The following SNTB2 variants were observed in gnomAD, a reference collection of about 807,000 sequenced individuals.
The protein encoded by SNTB2 is syntrophin beta 2, also known as beta-2-syntrophin.
In SNTB2, 34 loss-of-function variants were observed where a neutral mutation model predicts 46.2. That is an observed-to-expected ratio of 0.74 (90% CI 0.56 to 0.98). The LOEUF (loss-of-function observed/expected upper bound fraction) is 0.98, where lower values mean the gene tolerates loss of function less well. Among genes scored for constraint, SNTB2 ranks in the 50% least tolerant of loss-of-function variants. The probability of loss-of-function intolerance (pLI) is 0.00; values close to 1 mark genes in which losing one functional copy is unlikely to be tolerated. For missense variants in SNTB2, 603 were observed against 731.4 expected (o/e 0.82, Z 2.02); for synonymous variants, 290 against 312.6 (o/e 0.93, Z 0.76).
intron 3 of SNTB2, among the ~76,000 whole-genome samples, chr16:69,267,315 C>T (rs1301139433): frequency 6.6e-6 from 1 of 152,192 alleles, no homozygotes; most frequent in Admixed American, 6.5e-5. Flanking sequence ...CCATGCCTGG[C>T]CCAAAATCAG....
chr16:69,288,348 AGT>A (rs554876803), intron 5 of SNTB2, among the ~76,000 whole-genome samples: 115 of 152,354 alleles, frequency 7.5e-4, no homozygotes, highest in African/African-American at 2.6e-3. Context: ...GGAAAGGAAG[AGT>A]GAGAGCCAGC....
chr16:69,287,867 T>A (rs4395065), intron 5 of SNTB2, among the ~76,000 whole-genome samples: 2,872 of 151,456 alleles, frequency 0.019, 93 homozygotes, highest in African/African-American at 0.065. Flanking sequence ...TCAAAAAATA[T>A]ATATATATAT....
intron 1 of SNTB2, among the ~76,000 whole-genome samples, chr16:69,239,035 T>C (rs1434419371): frequency 6.6e-6 from 1 of 152,164 alleles, no homozygotes; most frequent in East Asian, 1.9e-4. Flanking sequence ...CCCCCTCACT[T>C]ACCCAGCTCC....
intron 1 of SNTB2, among the ~76,000 whole-genome samples, chr16:69,210,818 C>T (rs1964276243): frequency 6.6e-6 from 1 of 152,014 alleles, no homozygotes; most frequent in African/African-American, 2.4e-5. Context: ...TATGGGGAAA[C>T]CTCATCCCTA....
chr16:69,224,009 C>T (rs1964433538), intron 1 of SNTB2, among the ~76,000 whole-genome samples: 1 of 151,924 alleles, frequency 6.6e-6, no homozygotes, highest in African/African-American at 2.4e-5. Flanking sequence ...GTAGAATGTC[C>T]CTCAATTGGG....
At chr16:69,215,154 G>A (rs571439369) in intron 1 of SNTB2, among the ~76,000 whole-genome samples, 9 of 152,254 alleles carry the variant, frequency 5.9e-5, no homozygotes, top group South Asian at 2.1e-4. Flanking sequence ...CACTGTGCCC[G>A]GCCTATTTTA....
chr16:69,213,464 A>T (rs1194092132), intron 1 of SNTB2, among the ~76,000 whole-genome samples: 1 of 151,790 alleles, frequency 6.6e-6, no homozygotes, highest in East Asian at 1.9e-4. Flanking sequence ...AAAATTTTTC[A>T]TTCTAATAGT....
intron 2 of SNTB2, among the ~76,000 whole-genome samples, chr16:69,253,603 T>A (rs1031167173): frequency 9.9e-5 from 15 of 151,888 alleles, no homozygotes; most frequent in Non-Finnish European, 2.9e-5. Context: ...GAGCCAAGAT[T>A]GTGCCACTGC....
intron 1 of SNTB2, among the ~76,000 whole-genome samples, chr16:69,236,731 C>T (rs17691725): frequency 0.14 from 21,248 of 149,762 alleles, 1,612 homozygotes; most frequent in Middle Eastern, 0.22. Flanking sequence ...TCTGAGTTAA[C>T]CAAGGCATGT....
At chr16:69,261,457 G>A (rs1206325177) in intron 3 of SNTB2, among the ~76,000 whole-genome samples, 1 of 151,544 alleles carries the variant, frequency 6.6e-6, no homozygotes, top group Non-Finnish European at 1.5e-5. Context: ...TTGGTCACCA[G>A]CGAGAGTAAT....
chr16:69,299,804 C>T, intron 6 of SNTB2, 30 bp downstream of exon 6: 1 of 1,595,146 alleles, frequency 6.3e-7, no homozygotes, highest in Non-Finnish European at 8.6e-7. Flanking sequence ...ACATGTTTAT[C>T]TAATAGATGT....
chr16:69,294,615 C>T (rs552376313), intron 5 of SNTB2, among the ~76,000 whole-genome samples: 1 of 151,868 alleles, frequency 6.6e-6, no homozygotes, highest in African/African-American at 2.4e-5. Flanking sequence ...CCCCTGTAGT[C>T]CCAGCTACTA....
At chr16:69,205,141 A>T (rs1416715627) in intron 1 of SNTB2, among the ~76,000 whole-genome samples, 1 of 150,938 alleles carries the variant, frequency 6.6e-6, no homozygotes, top group Non-Finnish European at 1.5e-5. Flanking sequence ...CCTGGGAAAT[A>T]CTTTGTTAAC....
chr16:69,187,725 G>T lies in SNTB2; in HGVS notation c.559G>T (p.Gly187Cys), dbSNP rs1964007519. Reference sequence around the variant, plus strand: ...GGCCGTGCAGGCGCTGAAGCGCGCGGGCAAGGAGGTGCTGCTGGAGGGTGA... The same window carrying T: ...GGCCGTGCAGGCGCTGAAGCGCGCGTGCAAGGAGGTGCTGCTGGAGGGTGA... ...DQAVQALKRA[G>C]KEVLLEVKFI... Residue 187 changes from glycine (G) to cysteine (C), a missense_variant, in exon 1 of 7, where the codon GGC becomes TGC. Physicochemically the swap from Gly to Cys is radical, Grantham distance 159. Transcript: ENST00000336278. 21 of 1,502,922 alleles carry T rather than the reference G, an allele frequency of 1.4e-5. No homozygotes were observed. Among genetic ancestry groups the T allele is most frequent in the Non-Finnish European group, 1.9e-5 (21 of 1,134,278 alleles). The allele number at this position is 1,502,922 out of a possible 1,614,324, so 93.1% of individuals were successfully genotyped here.
chr16:69,292,243 AT>A (rs1965166234), intron 5 of SNTB2, among the ~76,000 whole-genome samples: 1 of 149,288 alleles, frequency 6.7e-6, no homozygotes, highest in South Asian at 2.1e-4. Context: ...TCTCAAAAAA[AT>A]AAATATAAAT....
At chr16:69,249,373 G>C (rs1305702770) in intron 2 of SNTB2, among the ~76,000 whole-genome samples, 1 of 152,144 alleles carries the variant, frequency 6.6e-6, no homozygotes, top group East Asian at 1.9e-4. Flanking sequence ...TGATGTAGCT[G>C]GGTATTGAAG....
chr16:69,270,211 G>A lies in SNTB2; in HGVS notation c.1074G>A (p.Leu358=). 6.2e-7 allele frequency: 1 copy of A among 1,614,086 alleles called. No homozygotes were observed. The highest frequency in any genetic ancestry group is 1.1e-5 in the South Asian group (1 of 91,070). Residue 358 remains leucine (L), a synonymous_variant, in exon 4 of 7, where the codon CTG becomes CTA. Coordinates refer to ENST00000336278, the MANE Select transcript of SNTB2 (RefSeq NM_006750.4). ...TGGCTGTGACTGAGAAGGATTTGCT[G>A]CTCTATGACTGTATGCCGTGGACAA... The part of the protein sequence containing the change: ...VLMAVTEKDL[L]LYDCMPWTRD...
chr16:69,295,955 C>G (rs1175130412), intron 5 of SNTB2, among the ~76,000 whole-genome samples: 2 of 152,128 alleles, frequency 1.3e-5, no homozygotes, highest in African/African-American at 4.8e-5. Context: ...AGGTCACAGT[C>G]TCATTCAGAA....
intron 3 of SNTB2, among the ~76,000 whole-genome samples, chr16:69,264,180 C>A (rs572428752): frequency 6.6e-6 from 1 of 152,278 alleles, no homozygotes; most frequent in South Asian, 2.1e-4. Context: ...GTCTCTGCAC[C>A]TGACCCTTCC....
Sources: allele counts gnomAD v4.1 joint callset (sites outside exome capture counted in the v4.1 genomes callset), GRCh38; gene constraint gnomAD v4.1.1; transcripts MANE v1.5; gene names NCBI Gene and HGNC (gene_info 2026-07-23, HGNC 2026-07-21).